ALK: variants seen among roughly 807,000 people sequenced by gnomAD.
ALK encodes ALK tyrosine kinase receptor.
Under a neutral mutation model 163.1 loss-of-function variants are expected in ALK, and 74 were observed. The ratio of observed to expected loss-of-function variants is 0.45; its 90% confidence interval spans 0.38 to 0.55. ALK has a LOEUF of 0.55. Among genes scored for constraint, ALK ranks in the 20% least tolerant of loss-of-function variants. The probability of loss-of-function intolerance (pLI) is 0.00; values close to 1 mark genes in which losing one functional copy is unlikely to be tolerated. For synonymous variants in ALK, 960 were observed against 843.2 expected (o/e 1.14, Z -2.40); for missense variants, 2,063 against 2,105.3 (o/e 0.98, Z 0.39).
chr2:29,700,563 G>T (rs963004244), intron 2 of ALK, among the ~76,000 whole-genome samples: 1 of 152,056 alleles, frequency 6.6e-6, no homozygotes, highest in African/African-American at 2.4e-5. Flanking sequence ...AAAAAGGAAA[G>T]CTTATGTGAG....
intron 1 of ALK, among the ~76,000 whole-genome samples, chr2:29,753,867 T>C (rs546496449): frequency 8.2e-4 from 125 of 152,358 alleles, no homozygotes; most frequent in African/African-American, 2.6e-3. Context: ...ATGTTTGCTT[T>C]GGCATTAGCA....
chr2:29,314,766 T>C (rs1287652300), intron 8 of ALK, among the ~76,000 whole-genome samples: 1 of 152,168 alleles, frequency 6.6e-6, no homozygotes, highest in Non-Finnish European at 1.5e-5. Context: ...GGCAGGCTAT[T>C]CAAATAAAAT....
At chr2:29,489,390 C>A (rs1201436551) in intron 4 of ALK, among the ~76,000 whole-genome samples, 1 of 152,098 alleles carries the variant, frequency 6.6e-6, no homozygotes, top group East Asian at 1.9e-4. Context: ...GCCTCGACTT[C>A]CTGGGCTCAA....
At chr2:29,304,602 C>T (rs1170089332) in intron 8 of ALK, among the ~76,000 whole-genome samples, 1 of 152,120 alleles carries the variant, frequency 6.6e-6, no homozygotes, top group Non-Finnish European at 1.5e-5. Context: ...TTCCAGAATG[C>T]ACTGGAACCA....
At chr2:29,314,143 AAATC>A (rs1666765828) in intron 8 of ALK, among the ~76,000 whole-genome samples, 2 of 152,116 alleles carry the variant, frequency 1.3e-5, no homozygotes, top group South Asian at 2.1e-4. Flanking sequence ...AAGTCTTACA[AAATC>A]AATCAGAGAG....
Position 29,228,974 on chromosome 2 carries a change from C to G in ALK, c.2725G>C (p.Ala909Pro). Residue 909 changes from alanine (A) to proline (P), a missense_variant, in exon 16 of 29, where the codon GCC becomes CCC. This residue lies in a region of ALK where 575 missense variants were observed against 626.6 expected (regional missense o/e 0.92). Transcript: ENST00000389048. ...GATGGHSCPQAMKKWGWETRG... is the reference protein window; with the variant it reads ...GATGGHSCPQPMKKWGWETRG... Reference sequence around the variant, plus strand: ...GTCTCCCACCCCCACTTCTTCATGGCCTGGGGGCAGGAATGTCCTCCGGTG... The same window carrying G: ...GTCTCCCACCCCCACTTCTTCATGGGCTGGGGGCAGGAATGTCCTCCGGTG... 7.5e-7 allele frequency: 1 copy of G among 1,334,340 alleles called. No individual in the cohort carries two copies. Among genetic ancestry groups the G allele is most frequent in the South Asian group, 1.1e-5 (1 of 87,112 alleles). 82.7% of individuals were successfully genotyped at this position (1,334,340 alleles called of 1,614,324 possible). A position where few individuals can be genotyped will look rare whatever the true frequency, so the allele number is the denominator to read the frequency against.
intron 4 of ALK, among the ~76,000 whole-genome samples, chr2:29,490,772 G>T (rs893543283): frequency 6.6e-6 from 1 of 152,180 alleles, no homozygotes; most frequent in Admixed American, 6.5e-5. Context: ...AAGTTATGCT[G>T]CAATAATGTA....
intron 4 of ALK, among the ~76,000 whole-genome samples, chr2:29,398,730 A>T (rs1669372176): frequency 6.6e-6 from 1 of 152,148 alleles, no homozygotes. Flanking sequence ...CCGAGGTCAG[A>T]GGACTCTGGA....
At chr2:29,271,879 AG>A (rs1182253120) in intron 11 of ALK, among the ~76,000 whole-genome samples, 2 of 152,200 alleles carry the variant, frequency 1.3e-5, no homozygotes, top group Non-Finnish European at 2.9e-5. Flanking sequence ...CTCCATAGTT[AG>A]GGTTGTGGAG....
At chr2:29,530,068 T>A (rs1264914970) in intron 4 of ALK, among the ~76,000 whole-genome samples, 1 of 101,486 alleles carries the variant, frequency 9.9e-6, no homozygotes, top group Non-Finnish European at 1.9e-5. Flanking sequence ...CGCTCTTTTT[T>A]TTTTTTTTTT....
chr2:29,564,828 A>G (rs1674133740), intron 3 of ALK, among the ~76,000 whole-genome samples: 1 of 152,144 alleles, frequency 6.6e-6, no homozygotes, highest in African/African-American at 2.4e-5. Flanking sequence ...GTGTGGCCAC[A>G]ACTTGGTTCC....
At chr2:29,619,300 C>T (rs570781936) in intron 3 of ALK, among the ~76,000 whole-genome samples, 69 of 152,308 alleles carry the variant, frequency 4.5e-4, no homozygotes, top group African/African-American at 1.5e-3. Context: ...TTGAGATGTG[C>T]CTTAACCTCT....
In ALK at chr2:29,318,342, C is replaced by G. The variant is rs1666894456; in HGVS notation, c.1609G>C (p.Ala537Pro). Residue 537 changes from alanine (A) to proline (P), a missense_variant, in exon 8 of 29, where the codon GCT becomes CCT. Ala to Pro is a conservative substitution (Grantham distance 27). Around this residue, in one of 5 missense-constraint regions of ALK, gnomAD observed 987 missense variants for 939.5 expected, o/e 1.05. Coordinates refer to ENST00000389048, the MANE Select transcript of ALK (RefSeq NM_004304.5). ...PASESATVTS[A>P]TFPAPIKSSP... ...CTCTTGATCGGTGCAGGAAACGTAGCACTGGTCACTGTAGCACTTTCAGAA... is the reference window on the plus strand; with the variant it reads ...CTCTTGATCGGTGCAGGAAACGTAGGACTGGTCACTGTAGCACTTTCAGAA... 1 of 1,613,972 alleles carries G rather than the reference C, an allele frequency of 6.2e-7. No individual in the cohort carries two copies. Among genetic ancestry groups the G allele is most frequent in the Non-Finnish European group, 8.5e-7 (1 of 1,179,958 alleles).
At chr2:29,889,691 TAGACAGAGAG>T (rs1667089731) in intron 1 of ALK, among the ~76,000 whole-genome samples, 1 of 23,308 alleles carries the variant, frequency 4.3e-5, no homozygotes, top group African/African-American at 1.2e-4. Context: ...TATAGATAGA[TAGACAGAGAG>T]AGAGAGAGAG....
intron 4 of ALK, among the ~76,000 whole-genome samples, chr2:29,516,104 C>T (rs571159268): frequency 1.6e-4 from 24 of 152,322 alleles, no homozygotes; most frequent in African/African-American, 5.8e-4. Flanking sequence ...CAGCAGAATG[C>T]ATGCAGACTC....
At chr2:29,247,798 G>A (rs753262283) in intron 12 of ALK, among the ~76,000 whole-genome samples, 13 of 152,236 alleles carry the variant, frequency 8.5e-5, no homozygotes, top group African/African-American at 2.2e-4. Context: ...GCCAGGCCTC[G>A]GTGGCAGCCA....
chr2:29,626,990 T>A (rs1045442877), intron 3 of ALK, among the ~76,000 whole-genome samples: 1 of 152,006 alleles, frequency 6.6e-6, no homozygotes, highest in Non-Finnish European at 1.5e-5. Flanking sequence ...CCACCTGAAA[T>A]CTGCCCACTA....
intron 3 of ALK, among the ~76,000 whole-genome samples, chr2:29,692,594 T>C (rs190984142): frequency 6.6e-6 from 1 of 152,258 alleles, no homozygotes; most frequent in East Asian, 1.9e-4. Flanking sequence ...ATAGGATTCA[T>C]GTTCCTATAA....
intron 3 of ALK, among the ~76,000 whole-genome samples, chr2:29,593,817 C>G (rs1269923357): frequency 6.6e-6 from 1 of 152,218 alleles, no homozygotes; most frequent in South Asian, 2.1e-4. Context: ...ACAAGCTTCT[C>G]TATAGTCAAT....
Sources: gnomAD v4.1 joint callset for allele counts (sites outside exome capture counted in the v4.1 genomes callset) on GRCh38, gnomAD v4.1.1 for gene constraint, gnomAD v4.1.1 regional missense constraint, MANE v1.5 for transcripts, NCBI Gene and HGNC (gene_info 2026-07-23, HGNC 2026-07-21) for gene names.